CDH20: variants seen among roughly 807,000 people sequenced by gnomAD.
The protein encoded by CDH20 is cadherin 20.
Under a neutral mutation model 74.2 loss-of-function variants are expected in CDH20, and 29 were observed. The ratio of observed to expected loss-of-function variants is 0.39; its 90% confidence interval spans 0.29 to 0.53. The LOEUF is 0.53. Ranked by LOEUF, CDH20 falls within the 20% of genes least tolerant of loss-of-function variation. The probability of loss-of-function intolerance (pLI) is 0.69; values close to 1 mark genes in which losing one functional copy is unlikely to be tolerated. For missense variants in CDH20, 988 were observed against 1,048.3 expected (o/e 0.94, Z 0.79); for synonymous variants, 469 against 405.4 (o/e 1.16, Z -1.88).
chr18:61,540,598 C>G (rs1440190347), intron 9 of CDH20, among the ~76,000 whole-genome samples: 1 of 152,162 alleles, frequency 6.6e-6, no homozygotes, highest in South Asian at 2.1e-4. Context: ...ATGGGGGAAA[C>G]TGCCCCCGCA....
intron 1 of CDH20, among the ~76,000 whole-genome samples, chr18:61,376,133 C>T (rs1380557775): frequency 6.6e-6 from 1 of 151,732 alleles, no homozygotes; most frequent in East Asian, 1.9e-4. Context: ...GAATTTGAGC[C>T]CCCTAGTAGT....
chr18:61,446,626 G>C (rs1909212529), intron 1 of CDH20, among the ~76,000 whole-genome samples: 1 of 151,966 alleles, frequency 6.6e-6, no homozygotes, highest in Non-Finnish European at 1.5e-5. Context: ...ACTCAGATTA[G>C]GAGGTTCTTC....
intron 10 of CDH20, among the ~76,000 whole-genome samples, chr18:61,547,976 TAA>T (rs1028256599): frequency 2.0e-5 from 3 of 152,140 alleles, no homozygotes; most frequent in Admixed American, 6.5e-5. Context: ...TCAGACTTTC[TAA>T]AAGTCTCATG....
Position 61,554,349 on chromosome 18 carries a change from G to A in CDH20, c.2060G>A (p.Arg687Gln), listed in dbSNP as rs984874089. 2.5e-6 allele frequency: 4 copies of A among 1,613,258 alleles called. No homozygotes were observed. In the African/African-American group the frequency reaches 5.3e-5, roughly 22 times the overall value. Residue 687 changes from arginine (R) to glutamine (Q), a missense_variant, in exon 12 of 12, where the codon CGG becomes CAG. Physicochemically the swap from Arg to Gln is conservative, Grantham distance 43. Coordinates refer to ENST00000262717, the MANE Select transcript of CDH20 (RefSeq NM_031891.4). ...AFDIAAMWNP[R>Q]EAQAGAAPKT... ...GACATCGCGGCCATGTGGAACCCCC[G>A]GGAGGCGCAGGCGGGGGCCGCCCCC...
intron 1 of CDH20, among the ~76,000 whole-genome samples, chr18:61,399,634 C>T (rs1912094908): frequency 6.6e-6 from 1 of 152,144 alleles, no homozygotes; most frequent in Non-Finnish European, 1.5e-5. Flanking sequence ...ACCTCCCCCA[C>T]CAATGCCTCT....
chr18:61,458,946 T>C (rs373741536), intron 1 of CDH20, among the ~76,000 whole-genome samples: 3 of 152,358 alleles, frequency 2.0e-5, no homozygotes, highest in African/African-American at 7.2e-5. Flanking sequence ...TGTTTGTATT[T>C]ACTTGAGAAG....
At chr18:61,345,307 T>C (rs1348925136) in intron 1 of CDH20, among the ~76,000 whole-genome samples, 14 of 152,314 alleles carry the variant, frequency 9.2e-5, no homozygotes. Context: ...GCACTTGTCA[T>C]AGGACTTAAA....
At chr18:61,510,111 A>C (rs372209046) in intron 6 of CDH20, among the ~76,000 whole-genome samples, 1 of 152,202 alleles carries the variant, frequency 6.6e-6, no homozygotes, top group Admixed American at 6.5e-5. Context: ...AGGGTCCTGC[A>C]CTGGAAATAT....
chr18:61,548,527 T>C (rs1913328119), intron 10 of CDH20, among the ~76,000 whole-genome samples: 1 of 152,206 alleles, frequency 6.6e-6, no homozygotes, highest in Admixed American at 6.5e-5. Context: ...GCTGTTAGCA[T>C]AAAAAGCAGA....
At chr18:61,365,587 C>A (rs144793738) in intron 1 of CDH20, among the ~76,000 whole-genome samples, 1 of 152,042 alleles carries the variant, frequency 6.6e-6, no homozygotes. Context: ...CTCAAAACAA[C>A]CCCCTTCCGC....
chr18:61,478,996 CTAACATG>C (rs1910492078), intron 1 of CDH20, among the ~76,000 whole-genome samples: 2 of 151,850 alleles, frequency 1.3e-5, no homozygotes, highest in African/African-American at 2.4e-5. Flanking sequence ...AATAAACACA[CTAACATG>C]TAAGTGTGTA....
intron 1 of CDH20, among the ~76,000 whole-genome samples, chr18:61,456,234 C>T (rs1311837158): frequency 6.6e-6 from 1 of 152,158 alleles, no homozygotes; most frequent in East Asian, 1.9e-4. Context: ...AAGTAGTAGG[C>T]TTGAATTTTT....
intron 1 of CDH20, among the ~76,000 whole-genome samples, chr18:61,489,167 C>T (rs552863199): frequency 2.6e-4 from 40 of 152,292 alleles, no homozygotes; most frequent in South Asian, 1.9e-3. Context: ...AATGAAATGG[C>T]ATATTGTATT....
At chr18:61,345,137 C>T (rs1281093426) in intron 1 of CDH20, among the ~76,000 whole-genome samples, 1 of 152,162 alleles carries the variant, frequency 6.6e-6, no homozygotes, top group Non-Finnish European at 1.5e-5. Context: ...CCCACCAATC[C>T]GGACAATATT....
At chr18:61,404,285 TA>T in intron 1 of CDH20, among the ~76,000 whole-genome samples, 1 of 152,148 alleles carries the variant, frequency 6.6e-6, no homozygotes, top group East Asian at 1.9e-4. Flanking sequence ...GAGTGAGGAG[TA>T]ATGCATGTAA....
rs138834851 is a variant in CDH20, at chr18:61,389,284, G to C, written c.-153+55457G>C. On this transcript the variant is annotated intron_variant, in intron 1 of 11. Coordinates refer to ENST00000262717, the MANE Select transcript of CDH20 (RefSeq NM_031891.4). Reference sequence around the variant, plus strand: ...TTTACAACGAGAAAAGTAAAACCCAGAGAAGCTAAATAACTTCCCCAGCTT... The same window carrying C: ...TTTACAACGAGAAAAGTAAAACCCACAGAAGCTAAATAACTTCCCCAGCTT... Among the ~76,000 whole-genome samples, 834 of 152,246 alleles carry C rather than the reference G, an allele frequency of 5.5e-3. 11 individuals are homozygous for C. Among genetic ancestry groups the C allele is most frequent in the African/African-American group, 0.019 (782 of 41,526 alleles).
intron 1 of CDH20, among the ~76,000 whole-genome samples, chr18:61,377,481 T>C (rs1189623754): frequency 6.6e-6 from 1 of 151,988 alleles, no homozygotes; most frequent in Non-Finnish European, 1.5e-5. Flanking sequence ...GTGGCCAGCC[T>C]CTTAGCCTTC....
intron 1 of CDH20, among the ~76,000 whole-genome samples, chr18:61,436,241 A>G (rs149998155): frequency 6.6e-6 from 1 of 152,304 alleles, no homozygotes; most frequent in African/African-American, 2.4e-5. Flanking sequence ...TTCACATACA[A>G]GATTTTGTAT....
intron 5 of CDH20, among the ~76,000 whole-genome samples, chr18:61,503,386 G>A (rs1031533898): frequency 1.3e-4 from 20 of 151,234 alleles, no homozygotes; most frequent in South Asian, 1.0e-3. Context: ...TGATTGCCAC[G>A]CCCACCCACC....
Sources: allele counts gnomAD v4.1 joint callset (sites outside exome capture counted in the v4.1 genomes callset), GRCh38; gene constraint gnomAD v4.1.1; transcripts MANE v1.5; gene names NCBI Gene and HGNC (gene_info 2026-07-23, HGNC 2026-07-21).